Variants in CBFA2T2 observed in about 807,000 individuals in gnomAD.
CBFA2T2 encodes protein CBFA2T2.
Under a neutral mutation model 62.2 loss-of-function variants are expected in CBFA2T2, and 11 were observed. The observed-to-expected ratio is 0.18, with a 90% CI of 0.11 to 0.29. The LOEUF (loss-of-function observed/expected upper bound fraction) is 0.29, where lower values mean the gene tolerates loss of function less well. Ranked by LOEUF, CBFA2T2 falls within the 10% of genes least tolerant of loss-of-function variation. The probability of loss-of-function intolerance (pLI) is 1.00; values close to 1 mark genes in which losing one functional copy is unlikely to be tolerated. For synonymous variants in CBFA2T2, 295 were observed against 287.5 expected (o/e 1.03, Z -0.27); for missense variants, 592 against 774.1 (o/e 0.76, Z 2.79).
intron 1 of CBFA2T2, among the ~76,000 whole-genome samples, chr20:33,508,726 G>T (rs1386804067): frequency 6.6e-6 from 1 of 152,168 alleles, no homozygotes; most frequent in Non-Finnish European, 1.5e-5. Flanking sequence ...ATGGCTTCCA[G>T]TTCCATCCAT....
intron 1 of CBFA2T2, among the ~76,000 whole-genome samples, chr20:33,556,304 C>T (rs141040433): frequency 5.5e-4 from 84 of 152,210 alleles, no homozygotes; most frequent in African/African-American, 2.0e-3. Context: ...GTTGCCGTTA[C>T]CTTATGATTA....
intron 8 of CBFA2T2, among the ~76,000 whole-genome samples, chr20:33,632,470 A>T (rs1392782332): frequency 7.5e-6 from 1 of 132,866 alleles, no homozygotes; most frequent in Non-Finnish European, 1.6e-5. Context: ...TTCACCAATG[A>T]CTTTTTTTTT....
intron 9 of CBFA2T2, chr20:33,639,281 T>C (rs1271826441): frequency 6.6e-6 from 1 of 152,026 alleles, no homozygotes; most frequent in South Asian, 2.1e-4. Context: ...CCTTTGAAAA[T>C]AAAGTCAAGC....
chr20:33,547,150 A>T (rs1460157531), intron 1 of CBFA2T2, among the ~76,000 whole-genome samples: 1 of 152,118 alleles, frequency 6.6e-6, no homozygotes, highest in African/African-American at 2.4e-5. Flanking sequence ...CAGTGAGCCG[A>T]GATTGTGCAG....
At chr20:33,502,508 G>C (rs181689730) in intron 1 of CBFA2T2, among the ~76,000 whole-genome samples, 8 of 151,632 alleles carry the variant, frequency 5.3e-5, no homozygotes, top group Non-Finnish European at 7.4e-5. Context: ...CCGGGTTCAC[G>C]CCATTCTGCC....
chr20:33,564,302 C>T (rs1256648144), intron 1 of CBFA2T2, among the ~76,000 whole-genome samples: 24 of 148,120 alleles, frequency 1.6e-4, no homozygotes, highest in African/African-American at 4.0e-4. Context: ...CTCACTCTGT[C>T]GCGCAGGTGG....
Position 33,642,114 on chromosome 20 carries a change from T to TGTGTGTGTGTGTG in CBFA2T2, c.1488+1583_1488+1584insGTGTGTGTGTGTG. ...TCTCCTCCTCCTTTGTCTTTTTTTT[T>TGTGTGTGTGTGTG]TTTGTGTGTGTGTGTGTGTGTGTGT... On this transcript the variant is annotated intron_variant, in intron 10 of 10. Transcript: ENST00000342704. 4.8e-5 allele frequency among the ~76,000 whole-genome samples: 3 copies of TGTGTGTGTGTGTG among 62,866 alleles called. No individual in the cohort carries two copies. In the South Asian group the frequency reaches 1.2e-3, roughly 26 times the overall value. The allele number at this position is 62,866 out of a possible 152,430, so 41.2% of individuals were successfully genotyped here. A position where few individuals can be genotyped will look rare whatever the true frequency, so the allele number is the denominator to read the frequency against.
intron 1 of CBFA2T2, among the ~76,000 whole-genome samples, chr20:33,545,531 C>T: frequency 3.3e-5 from 1 of 30,376 alleles, no homozygotes; most frequent in South Asian, 1.5e-3. Flanking sequence ...TCACTGCAAC[C>T]TCTGCCTCCG....
At chr20:33,523,754 T>G (rs975882019) in intron 1 of CBFA2T2, among the ~76,000 whole-genome samples, 2 of 152,028 alleles carry the variant, frequency 1.3e-5, no homozygotes, top group African/African-American at 4.8e-5. Context: ...AGTGGCATGA[T>G]CCTCACCGCA....
rs1321330739 is a variant in CBFA2T2, at chr20:33,583,545, G to C, written c.35-23411G>C. On this transcript the variant is annotated intron_variant, in intron 1 of 10. Transcript: ENST00000342704. ...TTTTCCCTTTAAATTAAATAATTTA[G>C]TAAAATTTTAAAAAATTATCTTGTT... 1.3e-5 allele frequency among the ~76,000 whole-genome samples: 2 copies of C among 151,994 alleles called. 1 individual carries two copies. The highest frequency in any genetic ancestry group is 4.1e-4 in the South Asian group (2 of 4,826).
chr20:33,633,395 A>AATAT (rs1358894057), intron 8 of CBFA2T2, among the ~76,000 whole-genome samples: 1 of 151,950 alleles, frequency 6.6e-6, no homozygotes, highest in Non-Finnish European at 1.5e-5. Flanking sequence ...TAAATAAATA[A>AATAT]ATAAATAAAA....
rs573523909 is a variant in CBFA2T2, at chr20:33,490,273, A to G, written c.6A>G (p.Val2=). 220 of 1,255,770 alleles carry G rather than the reference A, an allele frequency of 1.8e-4. 1 individual carries two copies. The highest frequency in any genetic ancestry group is 1.2e-3 in the Middle Eastern group (4 of 3,270). 77.8% of individuals were successfully genotyped at this position (1,255,770 alleles called of 1,614,324 possible). A position where few individuals can be genotyped will look rare whatever the true frequency, so the allele number is the denominator to read the frequency against. Reference sequence around the variant, plus strand: ...CGCGGCGGCGGCGCTCGGCGATGGTAGGCGTCCCTGGAGCGGCCGCCTTCC... The same window carrying G: ...CGCGGCGGCGGCGCTCGGCGATGGTGGGCGTCCCTGGAGCGGCCGCCTTCC... The part of the protein sequence containing the change: M[V]GVPGAAAFQL... Residue 2 remains valine, a synonymous_variant, in exon 1 of 11, where the codon GTA becomes GTG. Transcript: ENST00000342704.
At chr20:33,570,268 C>T (rs972066324) in intron 1 of CBFA2T2, among the ~76,000 whole-genome samples, 2 of 151,528 alleles carry the variant, frequency 1.3e-5, no homozygotes, top group Admixed American at 1.3e-4. Flanking sequence ...GTGACAAGAG[C>T]GAGACTCCAT....
chr20:33,607,250 T>A, intron 2 of CBFA2T2, 151 bp downstream of exon 2: 2 of 625,854 alleles, frequency 3.2e-6, no homozygotes, highest in Non-Finnish European at 4.8e-6. Context: ...GTTGTTTCTT[T>A]TATAAATTAC....
intron 1 of CBFA2T2, among the ~76,000 whole-genome samples, chr20:33,493,312 G>A (rs1190027248): frequency 6.6e-6 from 1 of 152,112 alleles, no homozygotes; most frequent in Non-Finnish European, 1.5e-5. Flanking sequence ...CTGACCGCAG[G>A]TGATCTGCCC....
intron 1 of CBFA2T2, among the ~76,000 whole-genome samples, chr20:33,570,638 T>C (rs1204812988): frequency 6.6e-6 from 1 of 152,220 alleles, no homozygotes; most frequent in Non-Finnish European, 1.5e-5. Context: ...GGTGAGTACA[T>C]GTGCTGTTAA....
chr20:33,577,578 C>CTA (rs2013888211), intron 1 of CBFA2T2, among the ~76,000 whole-genome samples: 1 of 152,144 alleles, frequency 6.6e-6, no homozygotes, highest in Non-Finnish European at 1.5e-5. Flanking sequence ...AAGACAGGAA[C>CTA]TATATAGTAG....
chr20:33,643,870 A>G (rs1184294420), intron 10 of CBFA2T2, among the ~76,000 whole-genome samples: 1 of 134,940 alleles, frequency 7.4e-6, no homozygotes, highest in Admixed American at 7.6e-5. Context: ...TATATAATGT[A>G]TAATTACAAA....
intron 2 of CBFA2T2, among the ~76,000 whole-genome samples, chr20:33,610,229 C>T (rs1462322204): frequency 6.6e-6 from 1 of 152,160 alleles, no homozygotes; most frequent in African/African-American, 2.4e-5. Flanking sequence ...GTCGAGGCTG[C>T]ACCAGGAGGT....
Sources: allele counts gnomAD v4.1 joint callset (sites outside exome capture counted in the v4.1 genomes callset), GRCh38; gene constraint gnomAD v4.1.1; transcripts MANE v1.5; gene names NCBI Gene and HGNC (gene_info 2026-07-23, HGNC 2026-07-21).